Variants in VWC2 observed in about 807,000 individuals in gnomAD.
The protein encoded by VWC2 is von Willebrand factor C domain containing 2.
In VWC2, 14 loss-of-function variants were observed where a neutral mutation model predicts 29.8. The observed-to-expected ratio is 0.47, with a 90% CI of 0.31 to 0.74. VWC2 has a LOEUF of 0.74. Ranked by LOEUF, VWC2 falls within the 30% of genes least tolerant of loss-of-function variation. The pLI is 0.05. For missense variants in VWC2, 457 were observed against 459.8 expected (o/e 0.99, Z 0.05); for synonymous variants, 213 against 199.0 (o/e 1.07, Z -0.59).
intron 2 of VWC2, among the ~76,000 whole-genome samples, chr7:49,777,985 A>G (rs1788086911): frequency 1.3e-5 from 2 of 151,540 alleles, no homozygotes; most frequent in Admixed American, 1.3e-4. Flanking sequence ...TTATAGTTTC[A>G]TAGTAATTTT....
intron 2 of VWC2, among the ~76,000 whole-genome samples, chr7:49,779,910 A>G (rs1042927952): frequency 5.3e-5 from 8 of 152,224 alleles, no homozygotes; most frequent in African/African-American, 1.9e-4. Flanking sequence ...TTATAAGGAC[A>G]CACTCATATT....
intron 3 of VWC2, among the ~76,000 whole-genome samples, chr7:49,809,932 A>G (rs1213987760): frequency 6.6e-6 from 1 of 152,032 alleles, no homozygotes; most frequent in Admixed American, 6.6e-5. Context: ...ATACTCTCTC[A>G]ATACTCCTAA....
chr7:49,900,785 C>T (rs1268832681), intron 3 of VWC2, among the ~76,000 whole-genome samples: 1 of 151,674 alleles, frequency 6.6e-6, no homozygotes, highest in African/African-American at 2.4e-5. Flanking sequence ...ACCCTATTAC[C>T]AAACCAGACA....
chr7:49,805,979 A>G (rs1788867657), intron 3 of VWC2, among the ~76,000 whole-genome samples: 1 of 152,246 alleles, frequency 6.6e-6, no homozygotes, highest in Admixed American at 6.5e-5. Flanking sequence ...ATATAAATAA[A>G]TGATCACAAA....
chr7:49,791,197 G>A (rs1283367827), intron 2 of VWC2, among the ~76,000 whole-genome samples: 1 of 152,214 alleles, frequency 6.6e-6, no homozygotes, highest in African/African-American at 2.4e-5. Context: ...GGGACTTCGT[G>A]ACTTGCCTCT....
chr7:49,791,934 T>C, intron 2 of VWC2, among the ~76,000 whole-genome samples: 1 of 152,258 alleles, frequency 6.6e-6, no homozygotes, highest in South Asian at 2.1e-4. Flanking sequence ...ATGTAGTTAC[T>C]TGTTCTACTT....
At chr7:49,890,069 AT>A (rs11286064) in intron 3 of VWC2, among the ~76,000 whole-genome samples, 117,035 of 152,070 alleles carry the variant, frequency 0.77, 45,245 homozygotes, top group East Asian at 0.88. Flanking sequence ...TAGTTTGAGC[AT>A]TTCAAAGCCT....
intron 3 of VWC2, among the ~76,000 whole-genome samples, chr7:49,827,748 T>C (rs1014930696): frequency 6.6e-6 from 1 of 152,154 alleles, no homozygotes; most frequent in African/African-American, 2.4e-5. Flanking sequence ...ACCTCTTTTT[T>C]AGGGGACTTC....
chr7:49,896,881 ATTTTTTTTT>A (rs36066373), intron 3 of VWC2, among the ~76,000 whole-genome samples: 1 of 95,052 alleles, frequency 1.1e-5, no homozygotes, highest in Non-Finnish European at 2.1e-5. Context: ...TGGATTGATA[ATTTTTTTTT>A]TTTTTTTTTT....
At chr7:49,866,235 G>A (rs1020928423) in intron 3 of VWC2, among the ~76,000 whole-genome samples, 1 of 152,124 alleles carries the variant, frequency 6.6e-6, no homozygotes. Flanking sequence ...CGCCAGATGT[G>A]TTCACTGGGT....
intron 3 of VWC2, among the ~76,000 whole-genome samples, chr7:49,838,427 G>C (rs1353864990): frequency 6.6e-6 from 1 of 151,986 alleles, no homozygotes; most frequent in Admixed American, 6.6e-5. Flanking sequence ...TGACAGAGTG[G>C]GGTCAGGAGA....
chr7:49,841,733 C>T (rs1249647512), intron 3 of VWC2, among the ~76,000 whole-genome samples: 1 of 152,226 alleles, frequency 6.6e-6, no homozygotes, highest in Non-Finnish European at 1.5e-5. Flanking sequence ...CTTGTCCACA[C>T]ATTTCTTATA....
chr7:49,830,619 T>A (rs902798075), intron 3 of VWC2, among the ~76,000 whole-genome samples: 8 of 152,140 alleles, frequency 5.3e-5, no homozygotes, highest in Non-Finnish European at 2.9e-5. Context: ...GCTGCACCCA[T>A]TAACTGGTCA....
chr7:49,775,270 G>A, intron 1 of VWC2, 63 bp from the exon 2 acceptor site: 3 of 328,258 alleles, frequency 9.1e-6, no homozygotes, highest in Non-Finnish European at 1.6e-5. Flanking sequence ...CCGGGTGGGG[G>A]CCGCGGCGGG....
chr7:49,794,159 CA>C (rs1788529206), intron 2 of VWC2, among the ~76,000 whole-genome samples: 1 of 152,176 alleles, frequency 6.6e-6, no homozygotes, highest in Admixed American at 6.5e-5. Flanking sequence ...TATCCCAAAC[CA>C]AAGCCCTTTT....
rs1793760201 is a variant in VWC2, at chr7:49,917,030, T to C, written c.*4845T>C. 1 of 152,224 alleles carries C rather than the reference T, an allele frequency of 6.6e-6. No individual in the cohort carries two copies. The highest frequency in any genetic ancestry group is 1.5e-5 in the Non-Finnish European group (1 of 68,040). 9.4% of individuals were successfully genotyped at this position (152,224 alleles called of 1,614,324 possible). ...TTACAGTTTTGATATTTGTTTACTT[T>C]CTTATTTCTAATTTTTGGAAAACAA... On this transcript the variant is annotated 3_prime_UTR_variant, in exon 4 of 4. Coordinates refer to ENST00000340652, the MANE Select transcript of VWC2 (RefSeq NM_198570.5).
intron 3 of VWC2, among the ~76,000 whole-genome samples, chr7:49,851,829 C>T (rs1790190400): frequency 6.6e-6 from 1 of 151,952 alleles, no homozygotes; most frequent in Non-Finnish European, 1.5e-5. Flanking sequence ...GCACTCCAGC[C>T]TGGGAGACAG....
chr7:49,900,220 A>T (rs1792640530), intron 3 of VWC2, among the ~76,000 whole-genome samples: 1 of 151,782 alleles, frequency 6.6e-6, no homozygotes, highest in Non-Finnish European at 1.5e-5. Flanking sequence ...CATAAATTAG[A>T]AAAGAAGAAA....
intron 3 of VWC2, among the ~76,000 whole-genome samples, chr7:49,870,414 A>G (rs898430032): frequency 6.6e-6 from 1 of 152,240 alleles, no homozygotes; most frequent in African/African-American, 2.4e-5. Context: ...AAATAAAAAA[A>G]TAAAAATTGT....
Sources: gnomAD v4.1 joint callset for allele counts (sites outside exome capture counted in the v4.1 genomes callset) on GRCh38, gnomAD v4.1.1 for gene constraint, MANE v1.5 for transcripts, NCBI Gene and HGNC (gene_info 2026-07-23, HGNC 2026-07-21) for gene names.